The following SLC16A10 variants were observed in gnomAD, a reference collection of about 807,000 sequenced individuals.
SLC16A10 encodes the protein monocarboxylate transporter 10.
Under a neutral mutation model 40.0 loss-of-function variants are expected in SLC16A10, and 27 were observed. That is an observed-to-expected ratio of 0.67 (90% confidence interval 0.50 to 0.93). The LOEUF is 0.93. Among genes scored for constraint, SLC16A10 ranks in the 40% least tolerant of loss-of-function variants. The pLI is 0.00. For missense variants in SLC16A10, 529 were observed against 658.2 expected, an observed-to-expected ratio of 0.80 and a Z score of 2.15; for synonymous variants, 213 against 249.8, an observed-to-expected ratio of 0.85 and a Z score of 1.39.
chr6:111,140,090 A>C (rs554923869), intron 1 of SLC16A10, among the ~76,000 whole-genome samples: 21 of 152,198 alleles, frequency 1.4e-4, no homozygotes, highest in Non-Finnish European at 2.4e-4. Context: ...AATAATATGT[A>C]CAACAAACCC....
intron 1 of SLC16A10, among the ~76,000 whole-genome samples, chr6:111,152,957 G>A (rs1383375008): frequency 6.6e-6 from 1 of 152,212 alleles, no homozygotes; most frequent in Non-Finnish European, 1.5e-5. Flanking sequence ...AGGTGTGTGT[G>A]TGCACATGCA....
intron 1 of SLC16A10, among the ~76,000 whole-genome samples, chr6:111,146,681 G>A (rs1338388356): frequency 6.6e-6 from 1 of 151,882 alleles, no homozygotes; most frequent in Non-Finnish European, 1.5e-5. Context: ...GGCTTGCAGT[G>A]AGCCGAGATT....
chr6:111,179,289 CT>C (rs1772747571), intron 3 of SLC16A10, among the ~76,000 whole-genome samples: 1 of 152,198 alleles, frequency 6.6e-6, no homozygotes, highest in African/African-American at 2.4e-5. Flanking sequence ...ACATATATTA[CT>C]TCATTTGACT....
At chr6:111,151,776 A>G (rs1192104551) in intron 1 of SLC16A10, among the ~76,000 whole-genome samples, 1 of 152,168 alleles carries the variant, frequency 6.6e-6, no homozygotes, top group African/African-American at 2.4e-5. Context: ...TATTCCCTTT[A>G]CATGGAATGT....
intron 1 of SLC16A10, among the ~76,000 whole-genome samples, chr6:111,107,828 C>G (rs1249599540): frequency 6.6e-6 from 1 of 152,012 alleles, no homozygotes; most frequent in East Asian, 1.9e-4. Context: ...TCTGGGGAGC[C>G]AAAGAATGAT....
At chr6:111,132,513 G>A (rs1179405844) in intron 1 of SLC16A10, among the ~76,000 whole-genome samples, 1 of 152,208 alleles carries the variant, frequency 6.6e-6, no homozygotes, top group African/African-American at 2.4e-5. Context: ...GTCGGTAGCG[G>A]CAACTGCTTT....
At chr6:111,120,194 A>AT (rs1450294638) in intron 1 of SLC16A10, among the ~76,000 whole-genome samples, 5 of 152,068 alleles carry the variant, frequency 3.3e-5, no homozygotes, top group Admixed American at 2.0e-4. Flanking sequence ...TTCATGAAAC[A>AT]TTTTTTTCCA....
intron 1 of SLC16A10, among the ~76,000 whole-genome samples, chr6:111,110,029 G>A (rs993654333): frequency 5.9e-5 from 9 of 152,092 alleles, no homozygotes; most frequent in African/African-American, 1.9e-4. Context: ...GAGGACTCTG[G>A]AGAGTTACAG....
Position 111,222,108 on chromosome 6 carries a change from G to A in SLC16A10, c.1421G>A (p.Ser474Asn). ...CTTTGTTTTATCCCGTGGATCCATAGTAAGAAGCAAAGAGAGATCAGTAAA... is the reference window on the plus strand; with the variant it reads ...CTTTGTTTTATCCCGTGGATCCATAATAAGAAGCAAAGAGAGATCAGTAAA... ...AVLCFIPWIH[S>N]KKQREISKTT... The change falls in exon 6 of 6, where the codon AGT becomes AAT. Residue 474 changes from serine (S) to asparagine (N), a missense_variant. Coordinates refer to ENST00000368851, the MANE Select transcript of SLC16A10 (RefSeq NM_018593.5). 1 of 1,608,052 alleles carries A rather than the reference G, an allele frequency of 6.2e-7. No homozygotes were observed. The highest frequency in any genetic ancestry group is 8.5e-7 in the Non-Finnish European group (1 of 1,178,554).
chr6:111,159,067 C>CAAAAAAAAA (rs548809670), intron 1 of SLC16A10, among the ~76,000 whole-genome samples: 13 of 23,396 alleles, frequency 5.6e-4, no homozygotes, highest in Non-Finnish European at 8.1e-4. Flanking sequence ...GACCCTGACT[C>CAAAAAAAAA]AAAAAAAAAA....
intron 1 of SLC16A10, among the ~76,000 whole-genome samples, chr6:111,149,452 A>T (rs1270504677): frequency 6.6e-6 from 1 of 152,196 alleles, no homozygotes; most frequent in Non-Finnish European, 1.5e-5. Flanking sequence ...ATCATAATGG[A>T]TCATATGATT....
chr6:111,131,615 C>A (rs569638613), intron 1 of SLC16A10, among the ~76,000 whole-genome samples: 1 of 152,294 alleles, frequency 6.6e-6, no homozygotes, highest in South Asian at 2.1e-4. Flanking sequence ...ATTAGCATGG[C>A]CACCAGACTT....
At chr6:111,139,168 G>A (rs182984141) in intron 1 of SLC16A10, among the ~76,000 whole-genome samples, 48 of 147,802 alleles carry the variant, frequency 3.2e-4, no homozygotes, top group Admixed American at 2.8e-3. Context: ...AGTTTGAAGA[G>A]TAATTATTAA....
intron 3 of SLC16A10, among the ~76,000 whole-genome samples, chr6:111,178,229 A>G (rs1772725005): frequency 6.6e-6 from 1 of 152,236 alleles, no homozygotes. Context: ...ATGTTGATAC[A>G]AAGAAACATT....
chr6:111,096,789 A>G (rs1401462579), intron 1 of SLC16A10, among the ~76,000 whole-genome samples: 1 of 152,200 alleles, frequency 6.6e-6, no homozygotes, highest in Non-Finnish European at 1.5e-5. Context: ...TGTGGACCAA[A>G]GCAGTGAATC....
At chr6:111,195,218 G>T (rs1220548059) in intron 3 of SLC16A10, among the ~76,000 whole-genome samples, 1 of 152,164 alleles carries the variant, frequency 6.6e-6, no homozygotes, top group East Asian at 1.9e-4. Context: ...TAATGCCTGG[G>T]ATACGTGCTA....
At chr6:111,178,936 A>G (rs1348916585) in intron 3 of SLC16A10, among the ~76,000 whole-genome samples, 3 of 152,250 alleles carry the variant, frequency 2.0e-5, no homozygotes, top group African/African-American at 7.2e-5. Flanking sequence ...GATTAACTTT[A>G]CCATCCAACC....
At chr6:111,088,211 A>G (rs1770905930) in intron 1 of SLC16A10, 116 bp downstream of exon 1, 2 of 1,039,742 alleles carry the variant, frequency 1.9e-6, no homozygotes, top group African/African-American at 1.7e-5. Flanking sequence ...TCCCTGTGCC[A>G]GAGGGTGCGA....
chr6:111,220,055 C>G (rs1201940980), intron 5 of SLC16A10, among the ~76,000 whole-genome samples: 1 of 152,178 alleles, frequency 6.6e-6, no homozygotes, highest in African/African-American at 2.4e-5. Flanking sequence ...CCACTGCACT[C>G]CAGCCTGGGT....
Sources: gnomAD v4.1 joint callset for allele counts (sites outside exome capture counted in the v4.1 genomes callset) on GRCh38, gnomAD v4.1.1 for gene constraint, MANE v1.5 for transcripts, NCBI Gene and HGNC (gene_info 2026-07-23, HGNC 2026-07-21) for gene names.